The following KLB variants were observed in gnomAD, a reference collection of about 807,000 sequenced individuals.
KLB encodes the protein beta-klotho.
Under a neutral mutation model 88.4 loss-of-function variants are expected in KLB, and 44 were observed. The ratio of observed to expected loss-of-function variants is 0.50; its 90% CI spans 0.39 to 0.64. KLB has a LOEUF of 0.64. KLB is among the 30% of genes least tolerant of loss of function. The probability of loss-of-function intolerance (pLI) is 0.00; values close to 1 mark genes in which losing one functional copy is unlikely to be tolerated. For synonymous variants in KLB, 548 were observed against 513.4 expected (o/e 1.07, Z -0.91); for missense variants, 1,137 against 1,304.8 (o/e 0.87, Z 1.98).
intron 1 of KLB, among the ~76,000 whole-genome samples, chr4:39,432,492 C>G (rs960094996): frequency 1.3e-5 from 2 of 152,130 alleles, no homozygotes; most frequent in African/African-American, 4.8e-5. Context: ...GTGGCTGTGA[C>G]TGTTAACTCA....
In KLB at chr4:39,424,381, CTA is replaced by C. The variant is rs1433113851; in HGVS notation, c.826-9826_826-9825del. ...CTACCACGCCTAGCACAATAAATTACTATAGCCTTAGAGTCCTTTTTTTCTAA... is the reference window on the plus strand; with the variant it reads ...CTACCACGCCTAGCACAATAAATTACTAGCCTTAGAGTCCTTTTTTTCTAA... On this transcript the variant is annotated intron_variant, in intron 1 of 4. Coordinates refer to ENST00000257408, the MANE Select transcript of KLB (RefSeq NM_175737.4). Among the ~76,000 whole-genome samples the C allele has an allele frequency of 4.0e-5, 6 of 151,826 alleles. No homozygotes were observed. The East Asian group carries it at 1.2e-3, about 29-fold the overall frequency.
intron 1 of KLB, among the ~76,000 whole-genome samples, chr4:39,412,565 A>G (rs181364829): frequency 1.0e-3 from 155 of 152,214 alleles, no homozygotes; most frequent in African/African-American, 3.3e-3. Flanking sequence ...CCCAGCCTCA[A>G]CTATCCCACT....
At chr4:39,439,896 G>A (rs1464796836) in intron 3 of KLB, among the ~76,000 whole-genome samples, 1 of 151,980 alleles carries the variant, frequency 6.6e-6, no homozygotes, top group East Asian at 1.9e-4. Context: ...TCGAAATCCT[G>A]ACCTCAGGTT....
At chr4:39,414,451 A>G (rs1215362954) in intron 1 of KLB, among the ~76,000 whole-genome samples, 1 of 152,160 alleles carries the variant, frequency 6.6e-6, no homozygotes, top group Non-Finnish European at 1.5e-5. Context: ...TACTTGAAAG[A>G]GCTGCCCCAA....
intron 3 of KLB, among the ~76,000 whole-genome samples, chr4:39,443,758 C>CT (rs1560653061): frequency 2.7e-5 from 3 of 111,100 alleles, no homozygotes; most frequent in Non-Finnish European, 5.5e-5. Context: ...GAGACTTTGT[C>CT]AAAAAAAAAA....
At chr4:39,425,767 A>G (rs2109828964) in intron 1 of KLB, among the ~76,000 whole-genome samples, 1 of 152,280 alleles carries the variant, frequency 6.6e-6, no homozygotes, top group Admixed American at 6.5e-5. Context: ...ATAATGATTG[A>G]AAAAGAATAG....
At chr4:39,434,079 G>T (rs1235419277) in intron 1 of KLB, 131 bp from the exon 2 acceptor site, 1 of 830,844 alleles carries the variant, frequency 1.2e-6, no homozygotes, top group East Asian at 2.6e-5. Context: ...AGGTCATCAG[G>T]GCTCCCTGGC....
intron 1 of KLB, among the ~76,000 whole-genome samples, chr4:39,429,879 C>T (rs542853983): frequency 6.6e-6 from 1 of 152,152 alleles, no homozygotes; most frequent in African/African-American, 2.4e-5. Context: ...GGACCTCCCC[C>T]ACATTCTCTA....
chr4:39,429,841 C>G (rs1353014095), intron 1 of KLB, among the ~76,000 whole-genome samples: 2 of 152,172 alleles, frequency 1.3e-5, no homozygotes, highest in Non-Finnish European at 2.9e-5. Flanking sequence ...CAAATAGGAT[C>G]AAGTTATAAC....
rs1742740520 is a variant in KLB at position 39,406,961 on chromosome 4, C to G, written c.12C>G (p.Gly4=). The part of the protein sequence containing the change: MKP[G]CAAGSPGNEW... Reference sequence around the variant, plus strand: ...GCAGTTGGTGGCAAATGAAGCCAGGCTGTGCGGCAGGATCTCCAGGGAATG... The same window carrying G: ...GCAGTTGGTGGCAAATGAAGCCAGGGTGTGCGGCAGGATCTCCAGGGAATG... Residue 4 remains glycine (G), a synonymous_variant, in exon 1 of 5, where the codon GGC becomes GGG. Coordinates refer to ENST00000257408, the MANE Select transcript of KLB (RefSeq NM_175737.4). 1 of 1,607,738 alleles carries G rather than the reference C, an allele frequency of 6.2e-7. No individual in the cohort carries two copies. The highest frequency in any genetic ancestry group is 8.5e-7 in the Non-Finnish European group (1 of 1,175,450).
chr4:39,417,304 T>TTTTG (rs202029882), intron 1 of KLB, among the ~76,000 whole-genome samples: 9,000 of 151,884 alleles, frequency 0.059, 311 homozygotes, highest in Non-Finnish European at 0.07. Flanking sequence ...AAAAGTGGTT[T>TTTTG]TTTGTTTGTT....
intron 1 of KLB, among the ~76,000 whole-genome samples, chr4:39,428,777 G>A (rs1743275878): frequency 6.6e-6 from 1 of 152,146 alleles, no homozygotes; most frequent in Non-Finnish European, 1.5e-5. Flanking sequence ...CGTGATCTCG[G>A]CTCACTGCAA....
At position 39,416,619 on chromosome 4, in the gene KLB, A is replaced by G. The variant is rs570300367; in HGVS notation, c.825+8845A>G. Reference sequence around the variant, plus strand: ...AACGTAGTGAGACTTCGGTCTCTACAAAAAATGAAAATAAAAATGAGCTAG... The same window carrying G: ...AACGTAGTGAGACTTCGGTCTCTACGAAAAATGAAAATAAAAATGAGCTAG... On this transcript the variant is annotated intron_variant, in intron 1 of 4. Transcript: ENST00000257408. Among the ~76,000 whole-genome samples, 58 of 152,226 alleles carry G rather than the reference A, an allele frequency of 3.8e-4. 1 individual carries two copies. The South Asian group carries it at 6.0e-3, about 16-fold the overall frequency.
At chr4:39,431,019 T>C (rs1743347149) in intron 1 of KLB, among the ~76,000 whole-genome samples, 1 of 149,750 alleles carries the variant, frequency 6.7e-6, no homozygotes, top group African/African-American at 2.5e-5. Context: ...CTGGCTCAAA[T>C]GATCTTCCAA....
chr4:39,440,650 C>T (rs892935213), intron 3 of KLB, among the ~76,000 whole-genome samples: 1 of 151,586 alleles, frequency 6.6e-6, no homozygotes, highest in Admixed American at 6.6e-5. Context: ...CTCCGCCTCC[C>T]GTGTTCGTGC....
Position 39,437,784 on chromosome 4 carries a change from G to A in KLB, c.1394G>A (p.Gly465Asp), listed in dbSNP as rs1356899810. The change falls in exon 3 of 5, where the codon GGC becomes GAC. Residue 465 changes from glycine to aspartate, a missense_variant. Physicochemically the swap from Gly to Asp is moderately conservative, Grantham distance 94. Around this residue, in one of 4 missense-constraint regions of KLB, gnomAD observed 597 missense variants for 765.2 expected, o/e 0.78. Coordinates refer to ENST00000257408, the MANE Select transcript of KLB (RefSeq NM_175737.4). ...FGYTAWSLLD[G>D]FEWQDAYTIR... The stretch of plus-strand genomic sequence containing the variant: ...TATACTGCCTGGTCTCTCCTGGATG[G>A]CTTTGAATGGCAGGATGCTTACACC... The A allele has an allele frequency of 6.2e-7, 1 of 1,614,104 alleles. No individual in the cohort carries two copies. Among genetic ancestry groups the A allele is most frequent in the African/African-American group, 1.3e-5 (1 of 75,038 alleles).
In KLB at chr4:39,407,030, G is replaced by A; in HGVS notation, c.81G>A (p.Arg27=). The A allele has an allele frequency of 6.2e-7, 1 of 1,614,084 alleles. No individual in the cohort carries two copies. The highest frequency in any genetic ancestry group is 8.5e-7 in the Non-Finnish European group (1 of 1,179,968). ...FSTDEITTRY[R]NTMSNGGLQR... ...CTGATGAAATAACCACACGCTATAG[G>A]AATACAATGTCCAACGGGGGATTGC... Residue 27 remains arginine, a synonymous_variant, in exon 1 of 5, where the codon AGG becomes AGA. Coordinates refer to ENST00000257408, the MANE Select transcript of KLB (RefSeq NM_175737.4).
At chr4:39,420,288 T>C (rs1056165921) in intron 1 of KLB, among the ~76,000 whole-genome samples, 13 of 152,298 alleles carry the variant, frequency 8.5e-5, no homozygotes, top group African/African-American at 2.9e-4. Flanking sequence ...TCTACTGTTA[T>C]GAGTTTTTCT....
At chr4:39,432,792 C>T (rs1015448276) in intron 1 of KLB, among the ~76,000 whole-genome samples, 2 of 152,094 alleles carry the variant, frequency 1.3e-5, no homozygotes, top group Non-Finnish European at 2.9e-5. Flanking sequence ...ATAACATCCA[C>T]CTTTTGGCAG....
Sources: allele counts gnomAD v4.1 joint callset (sites outside exome capture counted in the v4.1 genomes callset), GRCh38; gene constraint gnomAD v4.1.1; regional missense constraint gnomAD v4.1.1; transcripts MANE v1.5; gene names NCBI Gene and HGNC (gene_info 2026-07-23, HGNC 2026-07-21).